KCNQ1: variants seen among roughly 807,000 people sequenced by gnomAD.
The protein encoded by KCNQ1 is potassium voltage-gated channel subfamily KQT member 1.
KCNQ1 carries 49 observed loss-of-function variants against 72.4 expected under a neutral mutation model. The observed-to-expected ratio is 0.68, with a 90% CI of 0.54 to 0.86. The LOEUF is 0.86. Ranked by LOEUF, KCNQ1 falls within the 40% of genes least tolerant of loss-of-function variation. The probability of loss-of-function intolerance (pLI) is 0.00; values close to 1 mark genes in which losing one functional copy is unlikely to be tolerated. For missense variants in KCNQ1, 790 were observed against 945.1 expected (o/e 0.84, Z 2.15); for synonymous variants, 450 against 412.6 (o/e 1.09, Z -1.10).
intron 10 of KCNQ1, among the ~76,000 whole-genome samples, chr11:2,589,687 C>A (rs1168151653): frequency 6.6e-6 from 1 of 152,202 alleles, no homozygotes; most frequent in Non-Finnish European, 1.5e-5. Context: ...TTGTGGCCCC[C>A]CCATGCCTCC....
chr11:2,583,422 C>G lies in KCNQ1; in HGVS notation c.922-13C>G. On this transcript the variant is annotated splice_polypyrimidine_tract_variant and intron_variant, in intron 6 of 15. Transcript: ENST00000155840. ...GTCCCATCCGTGGCTGACCACTGTC[C>G]CTCTCCCTGCAGGTCACAGTCACCA... is the stretch of plus-strand genomic sequence containing the variant. 1 of 1,590,124 alleles carries G rather than the reference C, an allele frequency of 6.3e-7. No homozygotes were observed. The highest frequency in any genetic ancestry group is 8.6e-7 in the Non-Finnish European group (1 of 1,158,464).
chr11:2,733,857 C>CACTCTTTCTCTCT (rs147278439), intron 11 of KCNQ1, among the ~76,000 whole-genome samples: 3,295 of 76,014 alleles, frequency 0.043, 297 homozygotes, highest in East Asian at 0.097. Context: ...CTCTCTCTCT[C>CACTCTTTCTCTCT]CCCCCCCACT....
rs538457249 is a variant in KCNQ1, at chr11:2,839,484, G to A, written c.1795-8283G>A. On this transcript the variant is annotated intron_variant, in intron 15 of 15. Transcript: ENST00000155840. ...GGGAGGGAGGTGGCTGCGTGTCCAG[G>A]AGCACGGGGCCATGTGGCACCGGCT... Among the ~76,000 whole-genome samples, 43 of 152,364 alleles carry A rather than the reference G, an allele frequency of 2.8e-4. No homozygotes were observed. The East Asian group carries it at 7.5e-3, about 27-fold the overall frequency.
At chr11:2,846,719 G>A (rs958503454) in intron 15 of KCNQ1, among the ~76,000 whole-genome samples, 10 of 152,352 alleles carry the variant, frequency 6.6e-5, no homozygotes, top group East Asian at 3.9e-4. Flanking sequence ...CTTCCCACCC[G>A]GGGCGGGCTC....
At chr11:2,744,712 C>A (rs1590064832) in intron 11 of KCNQ1, among the ~76,000 whole-genome samples, 1 of 152,216 alleles carries the variant, frequency 6.6e-6, no homozygotes, top group East Asian at 1.9e-4. Flanking sequence ...ATGCATCCAC[C>A]CTTGGCCTCG....
At chr11:2,778,993 G>A (rs1020274109) in intron 15 of KCNQ1, among the ~76,000 whole-genome samples, 2 of 152,202 alleles carry the variant, frequency 1.3e-5, no homozygotes, top group African/African-American at 2.4e-5. Context: ...TGGGGCGGCC[G>A]TGGGGCCCTG....
intron 10 of KCNQ1, among the ~76,000 whole-genome samples, chr11:2,594,221 A>G (rs564307364): frequency 3.3e-5 from 5 of 152,172 alleles, no homozygotes; most frequent in Non-Finnish European, 7.3e-5. Context: ...TAACAGGTTA[A>G]TATGTACATT....
rs947621004 is a variant in KCNQ1, at chr11:2,647,046, G to C, written c.1394-14915G>C. 2.5e-6 allele frequency: 1 copy of C among 398,556 alleles called. No homozygotes were observed. Among genetic ancestry groups the C allele is most frequent in the Non-Finnish European group, 4.4e-6 (1 of 226,052 alleles). The allele number at this position is 398,556 out of a possible 1,614,324, so 24.7% of individuals were successfully genotyped here. A position where few individuals can be genotyped will look rare whatever the true frequency, so the allele number is the denominator to read the frequency against. On this transcript the variant is annotated intron_variant, in intron 10 of 15. Transcript: ENST00000155840. The surrounding 1 kb of genome is among the most constrained non-coding windows in gnomAD (Gnocchi z 4.0). The stretch of plus-strand genomic sequence containing the variant: ...TGCTGAATAAGAATAGTGAAAGTGG[G>C]CATCCTTGTCTTGTTCTAGTTCTAA...
intron 7 of KCNQ1, among the ~76,000 whole-genome samples, chr11:2,584,602 T>G (rs1410294637): frequency 1.3e-5 from 2 of 151,908 alleles, no homozygotes; most frequent in East Asian, 1.9e-4. Context: ...GGTTAGTGTG[T>G]GTTAGTGTGG....
rs1846699776 is a variant in KCNQ1 at position 2,484,304 on chromosome 11, C to T, written c.386+38820C>T. ...TCAGCCTCCTGAGTAGCTGGGATTACAGGCACGTACCACCACGCCCAACTA... is the reference window on the plus strand; with the variant it reads ...TCAGCCTCCTGAGTAGCTGGGATTATAGGCACGTACCACCACGCCCAACTA... On this transcript the variant is annotated intron_variant, in intron 1 of 15. Transcript: ENST00000155840. This position sits in a 1 kb window ranked among gnomAD's most constrained non-coding sequence, Gnocchi z 5.2. Among the ~76,000 whole-genome samples the T allele has an allele frequency of 6.6e-6, 1 of 152,112 alleles. No homozygotes were observed. The highest frequency in any genetic ancestry group is 6.5e-5 in the Admixed American group (1 of 15,270).
At chr11:2,570,787 C>T (rs774970104) in intron 3 of KCNQ1, 33 bp downstream of exon 3, 1 of 1,606,346 alleles carries the variant, frequency 6.2e-7, no homozygotes, top group Non-Finnish European at 8.5e-7. Context: ...AGGTCACGCC[C>T]AGGTTTCCAG....
chr11:2,794,882 T>G (rs1264090308), intron 15 of KCNQ1, among the ~76,000 whole-genome samples: 2 of 152,072 alleles, frequency 1.3e-5, no homozygotes, highest in Non-Finnish European at 2.9e-5. Flanking sequence ...TTACCTTGTC[T>G]CTTGAAAGCA....
Position 2,706,621 on chromosome 11 carries a change from T to TTA in KCNQ1, c.1514+44541_1514+44542dup, listed in dbSNP as rs564697557. 3.9e-5 allele frequency among the ~76,000 whole-genome samples: 6 copies of TTA among 152,374 alleles called. No individual in the cohort carries two copies. In the East Asian group the frequency reaches 1.2e-3, roughly 29 times the overall value. On this transcript the variant is annotated intron_variant, in intron 11 of 15. Transcript: ENST00000155840. ...ACAGAGCCACCCACTCTCACCAGGC[T>TTA]TAGTCTGACCCTTGTCAGGGGCAGC...
intron 15 of KCNQ1, among the ~76,000 whole-genome samples, chr11:2,805,829 G>A (rs968370169): frequency 6.6e-6 from 1 of 152,154 alleles, no homozygotes; most frequent in Non-Finnish European, 1.5e-5. Flanking sequence ...CTGATGACAC[G>A]TATCACGGGG....
At position 2,704,100 on chromosome 11, in the gene KCNQ1, A is replaced by G. The variant is rs1000877183; in HGVS notation, c.1514+42019A>G. Among the ~76,000 whole-genome samples, 4 of 152,178 alleles carry G rather than the reference A, an allele frequency of 2.6e-5. No individual in the cohort carries two copies. Among genetic ancestry groups the G allele is most frequent in the Non-Finnish European group, 5.9e-5 (4 of 68,030 alleles). On this transcript the variant is annotated intron_variant, in intron 11 of 15. Coordinates refer to ENST00000155840, the MANE Select transcript of KCNQ1 (RefSeq NM_000218.3). This position sits in a 1 kb window ranked among gnomAD's most constrained non-coding sequence, Gnocchi z 4.3. ...GGCCCCTCCTCGGTCCCCTTCAGTG[A>G]GGCTTTTTGCATGCATTGGTCCACA... is the stretch of plus-strand genomic sequence containing the variant.
At position 2,673,507 on chromosome 11, in the gene KCNQ1, T is replaced by C. The variant is rs1433668096; in HGVS notation, c.1514+11426T>C. The C allele has an allele frequency of 2.5e-6, 1 of 398,644 alleles. No individual in the cohort carries two copies. Among genetic ancestry groups the C allele is most frequent in the Middle Eastern group, 6.3e-4 (1 of 1,588 alleles). 24.7% of individuals were successfully genotyped at this position (398,644 alleles called of 1,614,324 possible). A position where few individuals can be genotyped will look rare whatever the true frequency, so the allele number is the denominator to read the frequency against. On this transcript the variant is annotated intron_variant, in intron 11 of 15. Coordinates refer to ENST00000155840, the MANE Select transcript of KCNQ1 (RefSeq NM_000218.3). The surrounding 1 kb of genome is among the most constrained non-coding windows in gnomAD (Gnocchi z 4.5). ...ACTCCTGCTCATCACAACCACTTGT[T>C]GATGCTGACAGCCTGTAGAAAGATT...
chr11:2,654,260 G>A lies in KCNQ1; in HGVS notation c.1394-7701G>A. ...CTGGGGAGGGCTTCTCCTTCACAGT[G>A]CAGGATCCGCAGGGCTTTGGTGAAT... On this transcript the variant is annotated intron_variant, in intron 10 of 15. Coordinates refer to ENST00000155840, the MANE Select transcript of KCNQ1 (RefSeq NM_000218.3). This position sits in a 1 kb window ranked among gnomAD's most constrained non-coding sequence, Gnocchi z 6.4. 2.5e-6 allele frequency: 1 copy of A among 398,866 alleles called. No homozygotes were observed. Among genetic ancestry groups the A allele is most frequent in the Non-Finnish European group, 4.4e-6 (1 of 226,294 alleles). The allele number at this position is 398,866 out of a possible 1,614,324, so 24.7% of individuals were successfully genotyped here.
At chr11:2,838,301 A>AT in intron 15 of KCNQ1, among the ~76,000 whole-genome samples, 2 of 152,274 alleles carry the variant, frequency 1.3e-5, no homozygotes, top group East Asian at 3.9e-4. Flanking sequence ...GTGAAACGGC[A>AT]TGCAGAAAGA....
intron 11 of KCNQ1, among the ~76,000 whole-genome samples, chr11:2,754,214 T>C (rs1846266324): frequency 6.6e-6 from 1 of 152,176 alleles, no homozygotes; most frequent in East Asian, 1.9e-4. Flanking sequence ...AGCCATGCCA[T>C]GTATCTGGAG....
Sources: allele counts gnomAD v4.1 joint callset (sites outside exome capture counted in the v4.1 genomes callset), GRCh38; gene constraint gnomAD v4.1.1; non-coding constraint Gnocchi (gnomAD v3.1); transcripts MANE v1.5; gene names NCBI Gene and HGNC (gene_info 2026-07-23, HGNC 2026-07-21).